The following TSPAN9 variants were observed in gnomAD, a reference collection of about 807,000 sequenced individuals.
The protein encoded by TSPAN9 is tetraspanin 9.
Under a neutral mutation model 31.0 loss-of-function variants are expected in TSPAN9, and 16 were observed. The observed-to-expected ratio is 0.52, with a 90% CI of 0.35 to 0.78. The LOEUF is 0.78. Ranked by LOEUF, TSPAN9 falls within the 30% of genes least tolerant of loss-of-function variation. The pLI is 0.01. For synonymous variants in TSPAN9, 145 were observed against 121.6 expected (o/e 1.19, Z -1.27); for missense variants, 272 against 312.5 (o/e 0.87, Z 0.98).
chr12:3,220,805 C>T (rs1453159531), intron 3 of TSPAN9, among the ~76,000 whole-genome samples: 1 of 151,002 alleles, frequency 6.6e-6, no homozygotes. Flanking sequence ...GGAAGGCGGG[C>T]CCAAGGAGGG....
chr12:3,089,921 A>G (rs1250728613), intron 2 of TSPAN9, among the ~76,000 whole-genome samples: 1 of 151,772 alleles, frequency 6.6e-6, no homozygotes, highest in African/African-American at 2.4e-5. Flanking sequence ...AAATAAATAA[A>G]TAAATAAAAT....
intron 2 of TSPAN9, among the ~76,000 whole-genome samples, chr12:3,197,681 CCACCAGCACAGGTCA>C (rs1235476453): frequency 4.6e-4 from 69 of 149,666 alleles, no homozygotes; most frequent in South Asian, 1.5e-3. Flanking sequence ...GCACAGGTCA[CCACCAGCACAGGTCA>C]CACCAGCACA....
At chr12:3,198,144 T>C (rs866886979) in intron 2 of TSPAN9, among the ~76,000 whole-genome samples, 386 of 27,326 alleles carry the variant, frequency 0.014, no homozygotes, top group African/African-American at 0.053. Flanking sequence ...CCAGCACAGG[T>C]CACCACCAGC....
intron 3 of TSPAN9, among the ~76,000 whole-genome samples, chr12:3,242,754 TTGGACG>T (rs2098397248): frequency 6.6e-6 from 1 of 152,224 alleles, no homozygotes; most frequent in African/African-American, 2.4e-5. Flanking sequence ...TTGTGGAGCC[TTGGACG>T]CATTGCCCCC....
intron 3 of TSPAN9, among the ~76,000 whole-genome samples, chr12:3,227,791 C>A (rs571006586): frequency 4.6e-4 from 70 of 152,268 alleles, no homozygotes; most frequent in Admixed American, 1.9e-3. Context: ...GGCTTGAAGA[C>A]AGGAGGAAGC....
intron 3 of TSPAN9, among the ~76,000 whole-genome samples, chr12:3,236,957 CAGAT>C (rs1417163289): frequency 6.6e-6 from 1 of 152,140 alleles, no homozygotes; most frequent in Non-Finnish European, 1.5e-5. Flanking sequence ...ACCTGGTTGT[CAGAT>C]AGAAACGAGC....
chr12:3,158,763 C>T (rs1302843602), intron 2 of TSPAN9, among the ~76,000 whole-genome samples: 5 of 145,322 alleles, frequency 3.4e-5, no homozygotes, highest in African/African-American at 5.0e-5. Flanking sequence ...TCCACTGTGT[C>T]GGCCAACTTG....
At chr12:3,267,445 T>C (rs976564417) in intron 3 of TSPAN9, among the ~76,000 whole-genome samples, 13 of 152,184 alleles carry the variant, frequency 8.5e-5, no homozygotes, top group Admixed American at 8.5e-4. Context: ...CACCTCCTGC[T>C]CCCCTGGGCT....
chr12:3,238,124 C>T (rs1246585712), intron 3 of TSPAN9, among the ~76,000 whole-genome samples: 1 of 152,170 alleles, frequency 6.6e-6, no homozygotes, highest in Non-Finnish European at 1.5e-5. Flanking sequence ...TTACAAAGCC[C>T]TTCTCTCTCT....
At chr12:3,254,453 T>C (rs371425932) in intron 3 of TSPAN9, among the ~76,000 whole-genome samples, 55 of 152,302 alleles carry the variant, frequency 3.6e-4, no homozygotes, top group African/African-American at 1.2e-3. Context: ...GTCAGGCCTG[T>C]GGGCACCTTC....
chr12:3,257,999 G>A (rs1234345076), intron 3 of TSPAN9, among the ~76,000 whole-genome samples: 1 of 152,198 alleles, frequency 6.6e-6, no homozygotes, highest in Non-Finnish European at 1.5e-5. Context: ...GTATTGTGGA[G>A]TAAGATGTTC....
intron 3 of TSPAN9, among the ~76,000 whole-genome samples, chr12:3,232,435 A>G (rs377129162): frequency 1.3e-4 from 20 of 152,290 alleles, no homozygotes; most frequent in African/African-American, 4.3e-4. Context: ...CATCAGGGTA[A>G]CTGAGGACCA....
intron 2 of TSPAN9, among the ~76,000 whole-genome samples, chr12:3,186,154 C>T (rs547136424): frequency 7.2e-5 from 11 of 152,306 alleles, no homozygotes; most frequent in East Asian, 1.9e-4. Flanking sequence ...CTCCCTCACT[C>T]GCCAGTTGCC....
intron 2 of TSPAN9, among the ~76,000 whole-genome samples, chr12:3,104,340 GTT>G (rs57135855): frequency 2.7e-5 from 4 of 146,384 alleles, no homozygotes; most frequent in African/African-American, 1.0e-4. Context: ...ACTAATAACT[GTT>G]TTTTTTTTTT....
chr12:3,104,882 C>T (rs2153964672), intron 2 of TSPAN9, among the ~76,000 whole-genome samples: 1 of 152,306 alleles, frequency 6.6e-6, no homozygotes, highest in East Asian at 1.9e-4. Context: ...GTCCATATTT[C>T]CAGAGCAAAA....
intron 3 of TSPAN9, among the ~76,000 whole-genome samples, chr12:3,223,848 C>T (rs1049466513): frequency 1.3e-5 from 2 of 152,182 alleles, no homozygotes; most frequent in African/African-American, 2.4e-5. Context: ...GGATGGCATC[C>T]AGTCTTCTCT....
chr12:3,212,795 A>G (rs1313852975), intron 3 of TSPAN9, among the ~76,000 whole-genome samples: 1 of 152,164 alleles, frequency 6.6e-6, no homozygotes, highest in Non-Finnish European at 1.5e-5. Context: ...GTCTGTGTTC[A>G]TGTCCCGCAC....
At chr12:3,190,183 A>G (rs866333624) in intron 2 of TSPAN9, among the ~76,000 whole-genome samples, 12 of 152,286 alleles carry the variant, frequency 7.9e-5, no homozygotes, top group African/African-American at 2.4e-4. Flanking sequence ...AAATCAGCAG[A>G]AGGGTCCCAG....
chr12:3,079,061 C>T (rs1163750157), intron 1 of TSPAN9, among the ~76,000 whole-genome samples: 1 of 151,698 alleles, frequency 6.6e-6, no homozygotes, highest in African/African-American at 2.4e-5. Flanking sequence ...CTCACTGCAA[C>T]CCCCGCGTCC....
Sources: allele counts gnomAD v4.1 joint callset (sites outside exome capture counted in the v4.1 genomes callset), GRCh38; gene constraint gnomAD v4.1.1; transcripts MANE v1.5; gene names NCBI Gene and HGNC (gene_info 2026-07-23, HGNC 2026-07-21).